Variants in PIK3CD observed in about 807,000 individuals in gnomAD.
The protein encoded by PIK3CD is phosphatidylinositol-4,5-bisphosphate 3-kinase catalytic subunit delta.
PIK3CD carries 20 observed loss-of-function variants against 122.9 expected under a neutral mutation model. The observed-to-expected ratio is 0.16, with a 90% CI of 0.11 to 0.24. The LOEUF (loss-of-function observed/expected upper bound fraction) is 0.24, where lower values mean the gene tolerates loss of function less well. Among genes scored for constraint, PIK3CD ranks in the 10% least tolerant of loss-of-function variants. PIK3CD has a pLI of 1.00. For synonymous variants in PIK3CD, 596 were observed against 593.4 expected (o/e 1.00, Z -0.06); for missense variants, 787 against 1,406.3 (o/e 0.56, Z 7.04).
rs533834224 is a variant in PIK3CD, at chr1:9,724,112, C to T, written c.2718+20C>T. ...GGGCAGGTACAGGGGCTGGTGCTGGCGGCTGCTGTGGGGACTTGGCTTCTG... is the reference window on the plus strand; with the variant it reads ...GGGCAGGTACAGGGGCTGGTGCTGGTGGCTGCTGTGGGGACTTGGCTTCTG... On this transcript the variant is annotated intron_variant, in intron 21 of 23. Transcript: ENST00000377346. The surrounding 1 kb of genome is among the most constrained non-coding windows in gnomAD (Gnocchi z 7.3). 25 of 1,614,034 alleles carry T rather than the reference C, an allele frequency of 1.5e-5. No homozygotes were observed. The highest frequency in any genetic ancestry group is 1.3e-4 in the East Asian group (6 of 44,866).
At chr1:9,711,979 C>T (rs374651947) in intron 3 of PIK3CD, among the ~76,000 whole-genome samples, 5 of 151,752 alleles carry the variant, frequency 3.3e-5, no homozygotes, top group South Asian at 4.2e-4. Flanking sequence ...TCGCTGCAAG[C>T]TCCACCTCCC....
At chr1:9,665,816 C>T (rs750185582) in intron 1 of PIK3CD, among the ~76,000 whole-genome samples, 2 of 151,734 alleles carry the variant, frequency 1.3e-5, no homozygotes, top group Non-Finnish European at 2.9e-5. Flanking sequence ...TGCAGTGGTG[C>T]GATCTCCACT....
chr1:9,728,840 T>TA lies in PIK3CD; in HGVS notation c.*1795dup, dbSNP rs562228504. On this transcript the variant is annotated 3_prime_UTR_variant, in exon 24 of 24. Coordinates refer to ENST00000377346, the MANE Select transcript of PIK3CD (RefSeq NM_005026.5). ...ATGTTTCTGTCTGGGGAAGGCAAGT[T>TA]AGTTAAGTATCACTGATGTGGGTTG... The TA allele has an allele frequency of 1.3e-5, 2 of 151,846 alleles. No individual in the cohort carries two copies. Among genetic ancestry groups the TA allele is most frequent in the Admixed American group, 6.6e-5 (1 of 15,108 alleles). 9.4% of individuals were successfully genotyped at this position (151,846 alleles called of 1,614,324 possible). A position where few individuals can be genotyped will look rare whatever the true frequency, so the allele number is the denominator to read the frequency against.
At chr1:9,682,675 G>A (rs963812975) in intron 1 of PIK3CD, among the ~76,000 whole-genome samples, 25 of 151,910 alleles carry the variant, frequency 1.6e-4, no homozygotes, top group East Asian at 3.9e-4. Context: ...TCAGCTTCCC[G>A]AGTAGCTGGG....
intron 1 of PIK3CD, among the ~76,000 whole-genome samples, chr1:9,682,971 T>C (rs1645813965): frequency 6.6e-6 from 1 of 151,584 alleles, no homozygotes; most frequent in South Asian, 2.1e-4. Flanking sequence ...TAACCCATCA[T>C]AGGGGTGACC....
At chr1:9,677,135 C>CCTGAGTG (rs1173772180) in intron 1 of PIK3CD, among the ~76,000 whole-genome samples, 95 of 152,180 alleles carry the variant, frequency 6.2e-4, no homozygotes, top group Non-Finnish European at 3.4e-4. Flanking sequence ...GGAAGGAGGG[C>CCTGAGTG]CTGAGTGCCG....
intron 1 of PIK3CD, chr1:9,653,467 G>A (rs2100702359): frequency 4.1e-6 from 1 of 246,136 alleles, no homozygotes; most frequent in East Asian, 1.0e-4. Flanking sequence ...CGACGCCAGC[G>A]CGTTTAATCA....
At chr1:9,683,057 G>GTTT (rs1570201652) in intron 1 of PIK3CD, among the ~76,000 whole-genome samples, 12 of 120,144 alleles carry the variant, frequency 1.0e-4, no homozygotes, top group Admixed American at 3.2e-4. Flanking sequence ...TTTTTTTTTG[G>GTTT]GGGGCTGGGT....
chr1:9,720,801 G>A lies in PIK3CD; in HGVS notation c.1581G>A (p.Glu527=). 6.2e-7 allele frequency: 1 copy of A among 1,613,172 alleles called. No individual in the cohort carries two copies. ...GGTCTGGGGAGCTGTATGAGCACGAGAAGGACCTGGTGTGGAAGCTGCGGC... is the reference window on the plus strand; with the variant it reads ...GGTCTGGGGAGCTGTATGAGCACGAAAAGGACCTGGTGTGGAAGCTGCGGC... ...RRGSGELYEH[E]KDLVWKLRHE... The change falls in exon 13 of 24, where the codon GAG becomes GAA. Residue 527 remains glutamate (E), a synonymous_variant. Coordinates refer to ENST00000377346, the MANE Select transcript of PIK3CD (RefSeq NM_005026.5). This position sits in a 1 kb window ranked among gnomAD's most constrained non-coding sequence, Gnocchi z 9.0.
chr1:9,658,328 G>A (rs1215068385), intron 1 of PIK3CD, among the ~76,000 whole-genome samples: 1 of 150,642 alleles, frequency 6.6e-6, no homozygotes, highest in East Asian at 2.0e-4. Flanking sequence ...TAAGGCTGCA[G>A]TGAGCTATGG....
At position 9,721,107 on chromosome 1, in the gene PIK3CD, C is replaced by G. The variant is rs768980547; in HGVS notation, c.1690-20C>G. On this transcript the variant is annotated intron_variant, in intron 13 of 23. Transcript: ENST00000377346. ...ACCCTGACCCCGGCCGCCCCCAAGC[C>G]TGACCTCGGCTCCCCCCAGATGCTC... 15 of 1,607,276 alleles carry G rather than the reference C, an allele frequency of 9.3e-6. No individual in the cohort carries two copies. The highest frequency in any genetic ancestry group is 5.3e-5 in the African/African-American group (4 of 74,892).
At chr1:9,648,662 G>A (rs113463379), upstream of PIK3CD, among the ~76,000 whole-genome samples, 236 of 148,104 alleles carry the variant, frequency 1.6e-3, 3 homozygotes, top group South Asian at 0.041. Flanking sequence ...GAGGCTGTGA[G>A]CCTCAGACAC....
In PIK3CD at chr1:9,726,319, T is replaced by G. The variant is rs532174484; in HGVS notation, c.2998-590T>G. ...GTCAGGAGATCGAGACCATCCTGGC[T>G]AACACGGTGAAACCCCGTCTCTACT... On this transcript the variant is annotated intron_variant, in intron 23 of 23. Transcript: ENST00000377346. Among the ~76,000 whole-genome samples the G allele has an allele frequency of 4.5e-4, 69 of 151,930 alleles. No individual in the cohort carries two copies. In the South Asian group the frequency reaches 0.013, roughly 30 times the overall value.
intron 1 of PIK3CD, among the ~76,000 whole-genome samples, chr1:9,670,702 A>G (rs916903354): frequency 6.6e-6 from 1 of 152,208 alleles, no homozygotes; most frequent in Non-Finnish European, 1.5e-5. Flanking sequence ...TTACCATTGG[A>G]TGAATGAATC....
intron 1 of PIK3CD, among the ~76,000 whole-genome samples, chr1:9,673,099 C>G (rs1046527370): frequency 3.7e-5 from 5 of 136,468 alleles, no homozygotes; most frequent in African/African-American, 1.3e-4. Flanking sequence ...TTTAATCCTA[C>G]TTTTTTTTTT....
chr1:9,653,968 G>A (rs559492197), intron 1 of PIK3CD: 1 of 1,346,604 alleles, frequency 7.4e-7, no homozygotes, highest in East Asian at 4.7e-5. Context: ...TGCTTTGGGA[G>A]GCCCAGACGG....
At position 9,715,281 on chromosome 1, in the gene PIK3CD, G is replaced by A. The variant is rs1008335877; in HGVS notation, c.142-260G>A. 6.6e-6 allele frequency among the ~76,000 whole-genome samples: 1 copy of A among 152,222 alleles called. No individual in the cohort carries two copies. The highest frequency in any genetic ancestry group is 1.5e-5 in the Non-Finnish European group (1 of 68,030). On this transcript the variant is annotated intron_variant, in intron 3 of 23. Coordinates refer to ENST00000377346, the MANE Select transcript of PIK3CD (RefSeq NM_005026.5). The surrounding 1 kb of genome is among the most constrained non-coding windows in gnomAD (Gnocchi z 4.1). ...GACCTAGGGTGGTCCTGCACTCTGG[G>A]AGGGGAGCCTGTAGGACGTGGTGCC...
intron 2 of PIK3CD, among the ~76,000 whole-genome samples, chr1:9,709,705 A>G (rs1646975162): frequency 6.7e-6 from 1 of 149,980 alleles, no homozygotes; most frequent in East Asian, 2.0e-4. Context: ...CCCTGTTTCA[A>G]AAAAAAAAAT....
At chr1:9,629,833 G>C in the PIK3CD span, among the ~76,000 whole-genome samples, 2 of 152,102 alleles carry the variant, frequency 1.3e-5, no homozygotes, top group Non-Finnish European at 2.9e-5. Flanking sequence ...TGCGGTGCAC[G>C]GGCTGGGGAG....
Sources: allele counts gnomAD v4.1 joint callset (sites outside exome capture counted in the v4.1 genomes callset), GRCh38; gene constraint gnomAD v4.1.1; non-coding constraint Gnocchi (gnomAD v3.1); transcripts MANE v1.5; gene names NCBI Gene and HGNC (gene_info 2026-07-23, HGNC 2026-07-21).